Variants in STIM2 observed in about 807,000 individuals in gnomAD.
STIM2 encodes stromal interaction molecule 2.
STIM2 carries 31 observed loss-of-function variants against 85.8 expected under a neutral mutation model. That is an observed-to-expected ratio of 0.36 (90% CI 0.27 to 0.49). The LOEUF is 0.49. STIM2 is among the 20% of genes least tolerant of loss of function. The pLI is 0.98. For synonymous variants in STIM2, 356 were observed against 331.1 expected, an observed-to-expected ratio of 1.08 and a Z score of -0.82; for missense variants, 841 against 927.6, an observed-to-expected ratio of 0.91 and a Z score of 1.21.
chr4:26,941,791 A>G (rs1725619891), intron 2 of STIM2, among the ~76,000 whole-genome samples: 1 of 152,124 alleles, frequency 6.6e-6, no homozygotes. Flanking sequence ...AATTCCTTCA[A>G]ATTCTTAATG....
At chr4:26,949,417 G>C (rs531448568) in intron 2 of STIM2, among the ~76,000 whole-genome samples, 158 of 151,932 alleles carry the variant, frequency 1.0e-3, no homozygotes, top group African/African-American at 3.8e-3. Flanking sequence ...TTCTTTTATT[G>C]GTGACTAGAT....
At chr4:26,979,066 C>T (rs1727293780) in intron 3 of STIM2, among the ~76,000 whole-genome samples, 1 of 151,942 alleles carries the variant, frequency 6.6e-6, no homozygotes, top group South Asian at 2.1e-4. Context: ...TTATTAAATC[C>T]CATTTTGGTA....
At chr4:26,927,859 T>G (rs933822282) in intron 2 of STIM2, among the ~76,000 whole-genome samples, 1 of 134,976 alleles carries the variant, frequency 7.4e-6, no homozygotes, top group Non-Finnish European at 1.5e-5. Context: ...AATATATAAT[T>G]ATTATATAAA....
chr4:26,887,050 T>C (rs1483637474), intron 1 of STIM2, among the ~76,000 whole-genome samples: 1 of 152,140 alleles, frequency 6.6e-6, no homozygotes, highest in African/African-American at 2.4e-5. Context: ...ATATGAACTT[T>C]ATTGTGAAGT....
chr4:27,011,606 C>T (rs1728559686), intron 10 of STIM2, among the ~76,000 whole-genome samples: 1 of 152,184 alleles, frequency 6.6e-6, no homozygotes, highest in Non-Finnish European at 1.5e-5. Flanking sequence ...CCTGTATCCT[C>T]ATCAGTACTT....
At chr4:26,943,709 T>C (rs754324601) in intron 2 of STIM2, among the ~76,000 whole-genome samples, 8 of 152,170 alleles carry the variant, frequency 5.3e-5, no homozygotes, top group Non-Finnish European at 8.8e-5. Context: ...TGGATGGGGC[T>C]AAGAAATATT....
At chr4:27,004,265 C>T (rs530751600) in intron 7 of STIM2, among the ~76,000 whole-genome samples, 1 of 152,240 alleles carries the variant, frequency 6.6e-6, no homozygotes, top group South Asian at 2.1e-4. Context: ...TTTTTTGGAG[C>T]TCTTCCCTCT....
At chr4:26,867,101 T>G (rs1353095053) in intron 1 of STIM2, among the ~76,000 whole-genome samples, 1 of 152,186 alleles carries the variant, frequency 6.6e-6, no homozygotes, top group Non-Finnish European at 1.5e-5. Flanking sequence ...AGAATTCTAA[T>G]TATGGAGTGG....
At position 26,947,376 on chromosome 4, in the gene STIM2, T is replaced by C. The variant is rs531786871; in HGVS notation, c.283-10236T>C. On this transcript the variant is annotated intron_variant, in intron 2 of 11. Coordinates refer to ENST00000467087, the MANE Select transcript of STIM2 (RefSeq NM_020860.4). ...TATAATAAATTCATATCGAAACGTA[T>C]TACATTTTATTTTTCAAATGGTACA... Among the ~76,000 whole-genome samples, 8 of 152,346 alleles carry C rather than the reference T, an allele frequency of 5.3e-5. 1 individual carries two copies. In the South Asian group the frequency reaches 1.4e-3, roughly 28 times the overall value.
At chr4:26,953,607 C>T (rs1038126244) in intron 2 of STIM2, among the ~76,000 whole-genome samples, 8 of 152,010 alleles carry the variant, frequency 5.3e-5, no homozygotes, top group Non-Finnish European at 8.8e-5. Flanking sequence ...GGGAAACAGA[C>T]TTATGGAAAT....
intron 3 of STIM2, among the ~76,000 whole-genome samples, chr4:26,990,056 T>C (rs1727709529): frequency 6.6e-6 from 1 of 151,848 alleles, no homozygotes; most frequent in Non-Finnish European, 1.5e-5. Flanking sequence ...TTTAATACAA[T>C]CCCTATCAAA....
At chr4:26,976,354 G>A (rs1727193690) in intron 3 of STIM2, among the ~76,000 whole-genome samples, 1 of 150,274 alleles carries the variant, frequency 6.7e-6, no homozygotes, top group Non-Finnish European at 1.5e-5. Flanking sequence ...GCAGATCGGA[G>A]CTGTTCCTAT....
intron 1 of STIM2, among the ~76,000 whole-genome samples, chr4:26,865,981 T>C (rs868712221): frequency 1.4e-5 from 1 of 71,904 alleles, no homozygotes; most frequent in Non-Finnish European, 2.6e-5. Context: ...TCCTGTTAGA[T>C]AGCTACTGTT....
intron 11 of STIM2, chr4:27,019,333 G>A (rs1728835524): frequency 1.2e-6 from 1 of 845,008 alleles, no homozygotes; most frequent in Non-Finnish European, 1.7e-6. Flanking sequence ...CTTCATTGCA[G>A]TTGGAGAATC....
chr4:26,882,454 T>TTTCTTTCTTTC (rs1553844658), intron 1 of STIM2, among the ~76,000 whole-genome samples: 9 of 149,670 alleles, frequency 6.0e-5, no homozygotes, highest in African/African-American at 2.0e-4. Flanking sequence ...TCTTTCTTTC[T>TTTCTTTCTTTC]TTTTTTTTGT....
intron 2 of STIM2, among the ~76,000 whole-genome samples, chr4:26,956,416 A>C (rs1363009928): frequency 6.6e-6 from 1 of 151,084 alleles, no homozygotes; most frequent in Non-Finnish European, 1.5e-5. Flanking sequence ...AGAACAGGTT[A>C]GTTTTTAGCA....
chr4:26,994,591 A>G (rs1299100870), intron 3 of STIM2, among the ~76,000 whole-genome samples: 1 of 152,126 alleles, frequency 6.6e-6, no homozygotes, highest in Non-Finnish European at 1.5e-5. Context: ...ATTGAAGAAC[A>G]ACATTCTAAA....
In STIM2 at chr4:26,872,573, TTAA is replaced by T. The variant is rs143006319; in HGVS notation, c.151+11210_151+11212del. ...TAGATATGTATGCATATTGATATAT[TTAA>T]TAATAGGCTCATAGAGTGATTTTTT... On this transcript the variant is annotated intron_variant, in intron 1 of 11. Coordinates refer to ENST00000467087, the MANE Select transcript of STIM2 (RefSeq NM_020860.4). Among the ~76,000 whole-genome samples the T allele has an allele frequency of 1.6e-3, 241 of 152,322 alleles. 3 individuals are homozygous for T. The East Asian group carries it at 0.038, about 24-fold the overall frequency.
At chr4:26,872,639 A>G (rs544081651) in intron 1 of STIM2, among the ~76,000 whole-genome samples, 2 of 152,358 alleles carry the variant, frequency 1.3e-5, no homozygotes, top group Admixed American at 6.5e-5. Context: ...TTGAATGCCA[A>G]GTATATTACA....
Sources: gnomAD v4.1 joint callset for allele counts (sites outside exome capture counted in the v4.1 genomes callset) on GRCh38, gnomAD v4.1.1 for gene constraint, MANE v1.5 for transcripts, NCBI Gene and HGNC (gene_info 2026-07-23, HGNC 2026-07-21) for gene names.